LARGE1: variants seen among roughly 807,000 people sequenced by gnomAD.
LARGE1 encodes LARGE xylosyl- and glucuronyltransferase 1, also known as xylosyl- and glucuronyltransferase LARGE1.
Under a neutral mutation model 87.6 loss-of-function variants are expected in LARGE1, and 43 were observed. The observed-to-expected ratio is 0.49, with a 90% CI of 0.38 to 0.63. The LOEUF is 0.63. LARGE1 is among the 30% of genes least tolerant of loss of function. The pLI is 0.00. For synonymous variants in LARGE1, 434 were observed against 394.6 expected, an observed-to-expected ratio of 1.10 and a Z score of -1.18; for missense variants, 802 against 1,000.2, an observed-to-expected ratio of 0.80 and a Z score of 2.67.
chr22:33,166,652 T>C (rs766562702), exon 12 of LARGE1: 13 of 435,284 alleles, frequency 3.0e-5, no homozygotes, highest in Admixed American at 1.0e-4. Context: ...GATGTTCACC[T>C]GGCACGTACC....
downstream of LARGE1, among the ~76,000 whole-genome samples, chr22:33,158,614 G>A (rs1469471227): frequency 6.6e-6 from 1 of 152,176 alleles, no homozygotes; most frequent in Non-Finnish European, 1.5e-5. Flanking sequence ...ATATAAGGAA[G>A]AGGCCTCTCC....
At chr22:33,377,535 A>G (rs2065027557) in intron 9 of LARGE1, among the ~76,000 whole-genome samples, 1 of 152,144 alleles carries the variant, frequency 6.6e-6, no homozygotes, top group South Asian at 2.1e-4. Flanking sequence ...GGATCTCTTC[A>G]TTATTAAGGC....
intron 5 of LARGE1, among the ~76,000 whole-genome samples, chr22:33,568,328 G>T (rs552514779): frequency 1.3e-5 from 2 of 152,236 alleles, no homozygotes; most frequent in East Asian, 3.8e-4. Flanking sequence ...CAGAGCGAAA[G>T]CGAGACTAGA....
At chr22:33,433,809 G>A (rs1176604616) in intron 6 of LARGE1, among the ~76,000 whole-genome samples, 1 of 152,132 alleles carries the variant, frequency 6.6e-6, no homozygotes, top group Non-Finnish European at 1.5e-5. Flanking sequence ...AGAAAACACA[G>A]TGGTTCTTTT....
intron 2 of LARGE1, among the ~76,000 whole-genome samples, chr22:33,735,958 T>G (rs923843589): frequency 2.6e-5 from 4 of 152,258 alleles, no homozygotes; most frequent in Non-Finnish European, 4.4e-5. Flanking sequence ...TGTTATAGCA[T>G]GTATCAGTAC....
chr22:33,421,516 G>A (rs1198951832), intron 7 of LARGE1, among the ~76,000 whole-genome samples: 2 of 152,184 alleles, frequency 1.3e-5, no homozygotes, highest in African/African-American at 4.8e-5. Context: ...ATCCCAGGTT[G>A]ACCAATAAGG....
At chr22:33,265,141 G>A (rs1045980452) in intron 11 of LARGE1, among the ~76,000 whole-genome samples, 1 of 151,892 alleles carries the variant, frequency 6.6e-6, no homozygotes, top group Admixed American at 6.6e-5. Context: ...CTGACCTCAG[G>A]TGACCCTCCC....
At chr22:33,612,291 A>G (rs1176940569) in intron 4 of LARGE1, among the ~76,000 whole-genome samples, 1 of 152,120 alleles carries the variant, frequency 6.6e-6, no homozygotes, top group Non-Finnish European at 1.5e-5. Context: ...TTTAGTAGAG[A>G]TGGGGTTTCA....
chr22:33,649,092 TTCCTCGTTGGACA>T (rs1382433590), intron 3 of LARGE1, among the ~76,000 whole-genome samples: 3 of 152,200 alleles, frequency 2.0e-5, no homozygotes, highest in Admixed American at 6.5e-5. Flanking sequence ...ATATGACACA[TTCCTCGTTGGACA>T]TCCTCTGTCG....
chr22:33,587,433 T>C (rs713967), intron 5 of LARGE1, among the ~76,000 whole-genome samples: 73,135 of 152,010 alleles, frequency 0.48, 17,681 homozygotes, highest in Middle Eastern at 0.53. Flanking sequence ...TAATAAGTAA[T>C]AAAAATTTTT....
chr22:33,815,983 C>T lies in LARGE1; in HGVS notation c.-82-54425G>A, dbSNP rs553171825. On this transcript the variant is annotated intron_variant, in intron 1 of 14. Coordinates refer to ENST00000397394, the MANE Select transcript of LARGE1 (RefSeq NM_133642.5). ...CACCTCCAAAAACACAGGCAACCCT[C>T]CTGAGTCCAATTATCTCCAAACTTT... is the stretch of plus-strand genomic sequence containing the variant. Among the ~76,000 whole-genome samples, 5 of 152,322 alleles carry T rather than the reference C, an allele frequency of 3.3e-5. No homozygotes were observed. The South Asian group carries it at 1.0e-3, about 32-fold the overall frequency.
intron 6 of LARGE1, among the ~76,000 whole-genome samples, chr22:33,463,955 T>C (rs2148033760): frequency 6.6e-6 from 1 of 152,306 alleles, no homozygotes; most frequent in East Asian, 1.9e-4. Context: ...ATTACAGGTG[T>C]GGGACACTGC....
intron 5 of LARGE1, among the ~76,000 whole-genome samples, chr22:33,586,461 T>C (rs1411986456): frequency 1.3e-5 from 2 of 151,608 alleles, no homozygotes; most frequent in African/African-American, 2.4e-5. Context: ...GATTTCTTTT[T>C]TTTTTTTTTT....
chr22:33,619,648 T>C (rs1338409086), intron 4 of LARGE1, among the ~76,000 whole-genome samples: 3 of 152,154 alleles, frequency 2.0e-5, no homozygotes, highest in Non-Finnish European at 2.9e-5. Flanking sequence ...TGAAGCTAGA[T>C]TGCCTGGTTT....
At chr22:33,540,883 C>T (rs1340192530) in intron 6 of LARGE1, among the ~76,000 whole-genome samples, 2 of 151,942 alleles carry the variant, frequency 1.3e-5, no homozygotes, top group Non-Finnish European at 2.9e-5. Flanking sequence ...CCAGTAATCC[C>T]AGCACTTTGA....
At chr22:33,096,566 GT>G in the LARGE1 span, among the ~76,000 whole-genome samples, 26,604 of 106,908 alleles carry the variant, frequency 0.25, 1,471 homozygotes, top group African/African-American at 0.3. Context: ...TTTTGTTTTT[GT>G]TTTTTTTTTT....
chr22:33,412,674 T>A (rs1256756410), intron 7 of LARGE1, among the ~76,000 whole-genome samples: 3 of 152,210 alleles, frequency 2.0e-5, no homozygotes, highest in Admixed American at 1.3e-4. Flanking sequence ...TATTTATTTA[T>A]TTTTGAGATG....
At chr22:33,562,221 T>C (rs1283407707) in intron 6 of LARGE1, among the ~76,000 whole-genome samples, 1 of 152,186 alleles carries the variant, frequency 6.6e-6, no homozygotes, top group African/African-American at 2.4e-5. Context: ...TGATACAAAA[T>C]AGGGACATAT....
chr22:33,502,270 C>T (rs1008351731), intron 6 of LARGE1, among the ~76,000 whole-genome samples: 1 of 151,284 alleles, frequency 6.6e-6, no homozygotes, highest in African/African-American at 2.4e-5. Flanking sequence ...CGGCGGTGAG[C>T]TGAGGTTGGA....
Sources: allele counts gnomAD v4.1 joint callset (sites outside exome capture counted in the v4.1 genomes callset), GRCh38; gene constraint gnomAD v4.1.1; transcripts MANE v1.5; gene names NCBI Gene and HGNC (gene_info 2026-07-23, HGNC 2026-07-21).